PACRG: variants seen among roughly 807,000 people sequenced by gnomAD.
The protein encoded by PACRG is parkin coregulated gene protein.
PACRG carries 29 observed loss-of-function variants against 29.7 expected under a neutral mutation model. The observed-to-expected ratio is 0.98, with a 90% CI of 0.73 to 1.33. The LOEUF (loss-of-function observed/expected upper bound fraction) is 1.33. Among genes scored for constraint, PACRG ranks in the 40% most tolerant of loss-of-function variants. The pLI is 0.00. For synonymous variants in PACRG, 116 were observed against 118.7 expected (o/e 0.98, Z 0.15); for missense variants, 279 against 316.2 (o/e 0.88, Z 0.89).
At chr6:163,250,479 C>A (rs905581998) in intron 4 of PACRG, among the ~76,000 whole-genome samples, 18 of 152,216 alleles carry the variant, frequency 1.2e-4, no homozygotes, top group Non-Finnish European at 2.1e-4. Flanking sequence ...ATATTGGAAA[C>A]TTTGCTGAAT....
Position 163,289,295 on chromosome 6 carries a change from G to A in PACRG, c.614-25532G>A, listed in dbSNP as rs115377428. On this transcript the variant is annotated intron_variant, in intron 4 of 4. Transcript: ENST00000366888. ...GCTCTCCTGATTTGGCATTAAATGC[G>A]TTAGAACCTAATCAGTTCCAAGATG... Among the ~76,000 whole-genome samples the A allele has an allele frequency of 7.3e-3, 1,112 of 152,216 alleles. 15 individuals are homozygous for A. Among genetic ancestry groups the A allele is most frequent in the African/African-American group, 0.025 (1,057 of 41,518 alleles).
At chr6:162,989,007 GA>G (rs1803161822) in intron 2 of PACRG, among the ~76,000 whole-genome samples, 1 of 151,964 alleles carries the variant, frequency 6.6e-6, no homozygotes, top group Non-Finnish European at 1.5e-5. Flanking sequence ...GTTATGCGAC[GA>G]AAAAATTCAA....
chr6:163,193,004 C>CT (rs1165263659), intron 4 of PACRG, among the ~76,000 whole-genome samples: 2 of 152,150 alleles, frequency 1.3e-5, no homozygotes, highest in Non-Finnish European at 2.9e-5. Context: ...AGATAAAAGC[C>CT]TTTTTTAAAC....
intron 2 of PACRG, among the ~76,000 whole-genome samples, chr6:162,826,397 A>G (rs1246623421): frequency 6.6e-6 from 1 of 152,110 alleles, no homozygotes; most frequent in Non-Finnish European, 1.5e-5. Context: ...TTACATGTAT[A>G]TGCAAATATG....
intron 2 of PACRG, among the ~76,000 whole-genome samples, chr6:163,042,204 A>G (rs1033823500): frequency 5.9e-5 from 9 of 152,236 alleles, no homozygotes; most frequent in African/African-American, 2.2e-4. Flanking sequence ...AGCAGTCTCT[A>G]TGTAAGTGGC....
chr6:163,149,168 C>T (rs1198442335), intron 4 of PACRG, among the ~76,000 whole-genome samples: 2 of 151,974 alleles, frequency 1.3e-5, no homozygotes, highest in African/African-American at 4.8e-5. Context: ...CCCTCGCTGT[C>T]ACCTCCCCTT....
At chr6:163,073,360 G>A (rs1812251955) in intron 3 of PACRG, among the ~76,000 whole-genome samples, 1 of 152,070 alleles carries the variant, frequency 6.6e-6, no homozygotes, top group South Asian at 2.1e-4. Flanking sequence ...AATAAATGCT[G>A]GGAAACCTGA....
At chr6:163,037,781 G>C (rs1309117491) in intron 2 of PACRG, among the ~76,000 whole-genome samples, 1 of 152,170 alleles carries the variant, frequency 6.6e-6, no homozygotes, top group Non-Finnish European at 1.5e-5. Context: ...GGGAGGGTCT[G>C]GGACTGTACT....
intron 2 of PACRG, among the ~76,000 whole-genome samples, chr6:162,823,176 A>ATTGT (rs963688923): frequency 2.0e-5 from 3 of 152,168 alleles, no homozygotes; most frequent in Admixed American, 1.3e-4. Context: ...ATGTCAATGT[A>ATTGT]TTGTTTGTTT....
intron 1 of PACRG, among the ~76,000 whole-genome samples, chr6:162,795,718 C>T (rs1785323166): frequency 6.6e-6 from 1 of 152,058 alleles, no homozygotes; most frequent in African/African-American, 2.4e-5. Flanking sequence ...ATGTGCAATC[C>T]TTCTATCACA....
chr6:162,792,917 A>G (rs1219265055), intron 1 of PACRG, among the ~76,000 whole-genome samples: 1 of 152,134 alleles, frequency 6.6e-6, no homozygotes, highest in Non-Finnish European at 1.5e-5. Flanking sequence ...TTTACACTTT[A>G]TTGGGACTAA....
chr6:162,923,200 C>A (rs1003695427), intron 2 of PACRG, among the ~76,000 whole-genome samples: 2 of 152,080 alleles, frequency 1.3e-5, no homozygotes, highest in Admixed American at 1.3e-4. Context: ...TATTCAGATC[C>A]TTTGCCCATT....
rs138304162 is a variant in PACRG, at chr6:163,201,847, G to A, written c.613+112439G>A. Among the ~76,000 whole-genome samples the A allele has an allele frequency of 5.3e-3, 810 of 152,294 alleles. 9 individuals carry two copies. Among genetic ancestry groups the A allele is most frequent in the African/African-American group, 0.018 (765 of 41,570 alleles). On this transcript the variant is annotated intron_variant, in intron 4 of 4. Transcript: ENST00000366888. ...TGACACAGTCAGATGTGGGAGCCCC[G>A]GGTCCATTGCAAATGGATCCAGTCT...
intron 2 of PACRG, among the ~76,000 whole-genome samples, chr6:162,937,365 A>G (rs969610479): frequency 8.5e-5 from 13 of 152,196 alleles, no homozygotes; most frequent in African/African-American, 3.1e-4. Context: ...TGTGCTAGAC[A>G]GTGCAGGTGT....
intron 4 of PACRG, chr6:163,179,163 G>A: frequency 4.4e-6 from 2 of 455,836 alleles, no homozygotes; most frequent in Admixed American, 2.4e-5. Flanking sequence ...AAGCTTTGTA[G>A]CTTGGCTCAC....
rs561447017 is a variant in PACRG at position 162,899,526 on chromosome 6, G to T, written c.291+85245G>T. Among the ~76,000 whole-genome samples the T allele has an allele frequency of 1.6e-4, 25 of 152,294 alleles. 1 individual carries two copies. The highest frequency in any genetic ancestry group is 1.3e-3 in the Admixed American group (20 of 15,300). ...TCACCCCCACTGAGGACTGTGTGCA[G>T]GTAGGCATTCGGGAAGCACCGGGCA... On this transcript the variant is annotated intron_variant, in intron 2 of 4. Transcript: ENST00000366888.
intron 4 of PACRG, among the ~76,000 whole-genome samples, chr6:163,125,597 G>A (rs1447025663): frequency 6.6e-6 from 1 of 152,120 alleles, no homozygotes; most frequent in East Asian, 1.9e-4. Flanking sequence ...CAGAAAAGAA[G>A]CATAGTCAAA....
chr6:162,821,065 A>C (rs2128375319), intron 2 of PACRG, among the ~76,000 whole-genome samples: 1 of 152,366 alleles, frequency 6.6e-6, no homozygotes, highest in South Asian at 2.1e-4. Flanking sequence ...ATGAAAATAC[A>C]GCCATGTATT....
rs185187596 is a variant in PACRG, at chr6:163,108,657, G to A, written c.613+19249G>A. ...ACCCACCTCAACCTCTCAAAGTGCT[G>A]GGATTATAGGCGTGAGCCACTGTGC... On this transcript the variant is annotated intron_variant, in intron 4 of 4. Coordinates refer to ENST00000366888, the MANE Select transcript of PACRG (RefSeq NM_001080379.2). Among the ~76,000 whole-genome samples the A allele has an allele frequency of 9.9e-5, 15 of 152,122 alleles. No homozygotes were observed. In the East Asian group the frequency reaches 2.3e-3, roughly 24 times the overall value.
Sources: allele counts gnomAD v4.1 joint callset (sites outside exome capture counted in the v4.1 genomes callset), GRCh38; gene constraint gnomAD v4.1.1; transcripts MANE v1.5; gene names NCBI Gene and HGNC (gene_info 2026-07-23, HGNC 2026-07-21).